Variants in ABCC4 observed in about 807,000 individuals in gnomAD.
The protein encoded by ABCC4 is ATP-binding cassette sub-family C member 4.
A neutral mutation model predicts 168.5 loss-of-function variants in ABCC4; 102 were observed. That is an observed-to-expected ratio of 0.61 (90% CI 0.52 to 0.71). The LOEUF (loss-of-function observed/expected upper bound fraction) is 0.71, where lower values mean the gene tolerates loss of function less well. Ranked by LOEUF, ABCC4 falls within the 30% of genes least tolerant of loss-of-function variation. ABCC4 has a pLI of 0.00. For synonymous variants in ABCC4, 617 were observed against 590.7 expected (o/e 1.04, Z -0.65); for missense variants, 1,402 against 1,605.8 (o/e 0.87, Z 2.17).
chr13:95,077,216 T>G (rs538011521), intron 21 of ABCC4, among the ~76,000 whole-genome samples: 16 of 152,242 alleles, frequency 1.1e-4, no homozygotes, highest in Non-Finnish European at 2.2e-4. Flanking sequence ...TTTAGCATTC[T>G]TTTCTGAGAT....
At chr13:95,070,040 C>T (rs902646046) in intron 25 of ABCC4, among the ~76,000 whole-genome samples, 2 of 152,026 alleles carry the variant, frequency 1.3e-5, no homozygotes, top group African/African-American at 2.4e-5. Flanking sequence ...CTCAGGAGTT[C>T]GAGACCAGCC....
chr13:95,138,944 T>C (rs947304733), intron 19 of ABCC4, among the ~76,000 whole-genome samples: 9 of 152,076 alleles, frequency 5.9e-5, no homozygotes, highest in South Asian at 4.1e-4. Context: ...CAACCACCCA[T>C]CCCCATGACA....
chr13:95,074,333 G>A lies in ABCC4; in HGVS notation c.2807-9C>T, dbSNP rs1029238717. The A allele has an allele frequency of 1.3e-6, 2 of 1,597,212 alleles. No homozygotes were observed. Among genetic ancestry groups the A allele is most frequent in the Non-Finnish European group, 1.7e-6 (2 of 1,166,870 alleles). The stretch of plus-strand genomic sequence containing the variant: ...AAACAAGAACCAAGCCTCTGAATTT[G>A]AGAACGGTAATAAGCATGATGAATA... On this transcript the variant is annotated splice_polypyrimidine_tract_variant and intron_variant, in intron 22 of 30. Transcript: ENST00000645237.
chr13:95,209,708 T>C, intron 5 of ABCC4, 111 bp from the exon 6 acceptor site: 1 of 1,056,058 alleles, frequency 9.5e-7, no homozygotes, highest in Non-Finnish European at 1.3e-6. Context: ...TAAACAGAAA[T>C]GGCCACAGTG....
intron 19 of ABCC4, among the ~76,000 whole-genome samples, chr13:95,144,909 C>T (rs1029128272): frequency 1.3e-5 from 2 of 151,924 alleles, no homozygotes; most frequent in East Asian, 1.9e-4. Context: ...CAAAAAATAG[C>T]GTCCAAAGAG....
intron 19 of ABCC4, among the ~76,000 whole-genome samples, chr13:95,154,854 A>G (rs2036805422): frequency 6.6e-6 from 1 of 152,238 alleles, no homozygotes; most frequent in Admixed American, 6.5e-5. Context: ...ACTTGTTAAA[A>G]ATGCACATTT....
At chr13:95,301,041 G>A (rs2041664352) in intron 1 of ABCC4, among the ~76,000 whole-genome samples, 200 bp downstream of exon 1, 1 of 152,038 alleles carries the variant, frequency 6.6e-6, no homozygotes, top group Admixed American at 6.5e-5. Context: ...GCGCCCCGGG[G>A]CGCAGGCAGG....
intron 19 of ABCC4, among the ~76,000 whole-genome samples, chr13:95,149,448 A>G (rs374455297): frequency 3.3e-5 from 5 of 152,218 alleles, no homozygotes; most frequent in African/African-American, 1.2e-4. Context: ...TGTCACTACC[A>G]TTTTATTCTC....
chr13:95,043,530 T>C (rs934326777), intron 29 of ABCC4, 152 bp downstream of exon 29: 40 of 553,634 alleles, frequency 7.2e-5, no homozygotes, highest in Admixed American at 1.3e-4. Flanking sequence ...ACTGAGGGTG[T>C]AGTTAAGCAT....
intron 20 of ABCC4, among the ~76,000 whole-genome samples, chr13:95,090,832 A>AG (rs1227181840): frequency 6.6e-6 from 1 of 152,198 alleles, no homozygotes; most frequent in East Asian, 1.9e-4. Flanking sequence ...TAAGCTAATC[A>AG]GGGGGGCACC....
At chr13:95,057,246 A>T (rs976387771) in intron 26 of ABCC4, among the ~76,000 whole-genome samples, 1 of 148,036 alleles carries the variant, frequency 6.8e-6, no homozygotes, top group African/African-American at 2.5e-5. Context: ...AGAATTCAGT[A>T]TTTTTTTTTT....
At chr13:95,248,074 G>C (rs2040157024) in intron 1 of ABCC4, among the ~76,000 whole-genome samples, 2 of 152,252 alleles carry the variant, frequency 1.3e-5, no homozygotes, top group South Asian at 4.1e-4. Flanking sequence ...AGAAATAGCT[G>C]ATTCAAAGGC....
intron 19 of ABCC4, among the ~76,000 whole-genome samples, chr13:95,145,438 T>C (rs570968649): frequency 2.5e-4 from 37 of 147,070 alleles, no homozygotes; most frequent in African/African-American, 9.1e-4. Context: ...CTGGGTAACA[T>C]GGTAAAACCC....
chr13:95,290,668 G>A (rs2138949351), intron 1 of ABCC4, among the ~76,000 whole-genome samples: 1 of 124,068 alleles, frequency 8.1e-6, no homozygotes, highest in East Asian at 2.5e-4. Context: ...TCGTGCCATT[G>A]CACTCCAGCC....
intron 20 of ABCC4, chr13:95,096,303 C>T: frequency 2.3e-6 from 1 of 432,188 alleles, no homozygotes; most frequent in Non-Finnish European, 4.1e-6. Context: ...ATAAAAAAGA[C>T]TGAAAGACTG....
At chr13:95,227,030 G>T (rs2039485331) in intron 4 of ABCC4, among the ~76,000 whole-genome samples, 1 of 152,248 alleles carries the variant, frequency 6.6e-6, no homozygotes, top group Admixed American at 6.5e-5. Flanking sequence ...GACACCAGTG[G>T]TATTTTAAAG....
chr13:95,299,702 C>T (rs1196575390), intron 1 of ABCC4, among the ~76,000 whole-genome samples: 1 of 152,062 alleles, frequency 6.6e-6, no homozygotes, highest in African/African-American at 2.4e-5. Context: ...TAGGTTGTCC[C>T]ATAATAAAAG....
chr13:95,040,294 C>T (rs1048497977), intron 29 of ABCC4, among the ~76,000 whole-genome samples: 3 of 152,262 alleles, frequency 2.0e-5, no homozygotes, highest in South Asian at 2.1e-4. Flanking sequence ...TGCAGTGGCG[C>T]GATCTCGGCT....
intron 19 of ABCC4, among the ~76,000 whole-genome samples, chr13:95,159,836 A>C (rs2037031070): frequency 6.6e-6 from 1 of 152,216 alleles, no homozygotes; most frequent in African/African-American, 2.4e-5. Flanking sequence ...AGTCTTCTTT[A>C]ATCTTCACAA....
Sources: gnomAD v4.1 joint callset for allele counts (sites outside exome capture counted in the v4.1 genomes callset) on GRCh38, gnomAD v4.1.1 for gene constraint, MANE v1.5 for transcripts, NCBI Gene and HGNC (gene_info 2026-07-23, HGNC 2026-07-21) for gene names.